GOLT1B: variants seen among roughly 807,000 people sequenced by gnomAD.
The protein encoded by GOLT1B is golgi transport 1B, also known as vesicle transport protein GOT1B.
In GOLT1B, 3 loss-of-function variants were observed where a neutral mutation model predicts 15.4. The ratio of observed to expected loss-of-function variants is 0.19; its 90% CI spans 0.09 to 0.50. GOLT1B has a LOEUF of 0.50. Ranked by LOEUF, GOLT1B falls within the 20% of genes least tolerant of loss-of-function variation. The pLI is 0.97. For synonymous variants in GOLT1B, 65 were observed against 56.2 expected (o/e 1.16, Z -0.70); for missense variants, 145 against 160.4 (o/e 0.90, Z 0.52).
intron 3 of GOLT1B, among the ~76,000 whole-genome samples, chr12:21,509,989 G>A (rs1394107757): frequency 6.6e-6 from 1 of 152,300 alleles, no homozygotes; most frequent in East Asian, 1.9e-4. Flanking sequence ...AGTGTTTGGA[G>A]AAGGTCGGGG....
intron 3 of GOLT1B, among the ~76,000 whole-genome samples, chr12:21,512,080 C>G (rs1429062951): frequency 6.6e-6 from 1 of 152,192 alleles, no homozygotes; most frequent in Non-Finnish European, 1.5e-5. Flanking sequence ...GTTGAGCTAA[C>G]TCATAATCTG....
At chr12:21,507,889 C>T in intron 2 of GOLT1B, 2 of 446,108 alleles carry the variant, frequency 4.5e-6, no homozygotes, top group South Asian at 3.2e-5. Context: ...TTCTTGGCTT[C>T]ACGTTGTTTC....
At position 21,515,776 on chromosome 12, in the gene GOLT1B, C is replaced by A; in HGVS notation, c.*69C>A. 2.6e-6 allele frequency: 2 copies of A among 758,340 alleles called. No individual in the cohort carries two copies. The highest frequency in any genetic ancestry group is 4.5e-6 in the Non-Finnish European group (2 of 441,050). 47.0% of individuals were successfully genotyped at this position (758,340 alleles called of 1,614,324 possible). ...ATAAAGTCATTTGAAGAATATTCAG[C>A]ACAAAATTAAATTACATGAAATAGC... On this transcript the variant is annotated 3_prime_UTR_variant, in exon 5 of 5. Transcript: ENST00000229314.
At chr12:21,511,967 A>C (rs1422420832) in intron 3 of GOLT1B, among the ~76,000 whole-genome samples, 1 of 152,142 alleles carries the variant, frequency 6.6e-6, no homozygotes, top group Non-Finnish European at 1.5e-5. Context: ...TTAGTAAATG[A>C]TAGCTATTAT....
At chr12:21,504,152 T>G (rs1360316586) in intron 1 of GOLT1B, among the ~76,000 whole-genome samples, 1 of 152,280 alleles carries the variant, frequency 6.6e-6, no homozygotes, top group African/African-American at 2.4e-5. Flanking sequence ...ATGCTCCTTA[T>G]GTTAGACAGA....
In GOLT1B at chr12:21,515,921, A is replaced by G; in HGVS notation, c.*214A>G. ...TGAACTAAGAAGAAGTCAGCAAGCA[A>G]ACTGAGAGAGGTGAAATCCATGTTA... On this transcript the variant is annotated 3_prime_UTR_variant, in exon 5 of 5. Coordinates refer to ENST00000229314, the MANE Select transcript of GOLT1B (RefSeq NM_016072.5). The G allele has an allele frequency of 2.3e-6, 1 of 442,048 alleles. No individual in the cohort carries two copies. The highest frequency in any genetic ancestry group is 3.9e-6 in the Non-Finnish European group (1 of 253,846). The allele number at this position is 442,048 out of a possible 1,614,324, so 27.4% of individuals were successfully genotyped here. A position where few individuals can be genotyped will look rare whatever the true frequency, so the allele number is the denominator to read the frequency against.
intron 4 of GOLT1B, among the ~76,000 whole-genome samples, chr12:21,513,591 G>A (rs1943735615): frequency 6.6e-6 from 1 of 151,772 alleles, no homozygotes; most frequent in East Asian, 2.0e-4. Flanking sequence ...GGGATTACAG[G>A]TGTGAGCCAC....
intron 3 of GOLT1B, among the ~76,000 whole-genome samples, chr12:21,511,498 G>T (rs191004453): frequency 2.0e-5 from 3 of 152,208 alleles, no homozygotes; most frequent in African/African-American, 7.2e-5. Flanking sequence ...CCTCCCCTTC[G>T]TGGAGGTTAG....
At chr12:21,504,053 G>C (rs1229377044) in intron 1 of GOLT1B, among the ~76,000 whole-genome samples, 1 of 152,200 alleles carries the variant, frequency 6.6e-6, no homozygotes, top group African/African-American at 2.4e-5. Flanking sequence ...AGACAATGCT[G>C]CTTTTAAAAA....
In GOLT1B at chr12:21,506,973, A is replaced by C. The variant is rs747094142; in HGVS notation, c.114A>C (p.Gly38=). ...LFFDKALLAI[G]NVLFVAGLAF... ...TTGACAAAGCACTACTGGCTATTGG[A>C]AATGTGAGTTTTTAAATATATATTT... is the stretch of plus-strand genomic sequence containing the variant. Residue 38 remains glycine, a synonymous_variant, in exon 2 of 5, where the codon GGA becomes GGC. Transcript: ENST00000229314. The C allele has an allele frequency of 3.2e-6, 4 of 1,240,038 alleles. No individual in the cohort carries two copies. The East Asian group carries it at 7.0e-5, about 22-fold the overall frequency. 76.8% of individuals were successfully genotyped at this position (1,240,038 alleles called of 1,614,324 possible).
At chr12:21,514,485 C>T (rs1943742124) in intron 4 of GOLT1B, among the ~76,000 whole-genome samples, 2 of 152,146 alleles carry the variant, frequency 1.3e-5, no homozygotes, top group Non-Finnish European at 2.9e-5. Context: ...TTCAAGTTAC[C>T]TTTGGAGAGA....
At chr12:21,507,211 A>T (rs1943684896) in intron 2 of GOLT1B, 1 of 473,212 alleles carries the variant, frequency 2.1e-6, no homozygotes, top group Non-Finnish European at 3.9e-6. Context: ...TTGTCATGAG[A>T]TTTACAATAG....
chr12:21,512,424 CTTT>C (rs1356455264), intron 4 of GOLT1B, 48 bp downstream of exon 4: 1 of 865,614 alleles, frequency 1.2e-6, no homozygotes, highest in Admixed American at 2.0e-5. Flanking sequence ...TATTTTGATG[CTTT>C]TTACTTCTAG....
intron 1 of GOLT1B, among the ~76,000 whole-genome samples, chr12:21,502,731 C>T (rs1943644400): frequency 1.3e-5 from 2 of 152,032 alleles, no homozygotes; most frequent in Admixed American, 1.3e-4. Flanking sequence ...TTCCACTTTC[C>T]TACTGCTTTT....
chr12:21,511,897 A>T (rs1943722559), intron 3 of GOLT1B, among the ~76,000 whole-genome samples: 1 of 152,204 alleles, frequency 6.6e-6, no homozygotes, highest in South Asian at 2.1e-4. Context: ...TACTGTGAGG[A>T]TCAGTATCTG....
At chr12:21,515,535 T>C (rs1208359328) in intron 4 of GOLT1B, 134 bp from the exon 5 acceptor site, 5 of 649,530 alleles carry the variant, frequency 7.7e-6, no homozygotes, top group Non-Finnish European at 1.4e-5. Context: ...GGATTAGTCA[T>C]TGTCAGTCAT....
chr12:21,509,829 A>G (rs1209171706), intron 3 of GOLT1B, among the ~76,000 whole-genome samples: 1 of 152,202 alleles, frequency 6.6e-6, no homozygotes, highest in Non-Finnish European at 1.5e-5. Flanking sequence ...AAGAATGAAT[A>G]CTCTTATAGA....
intron 4 of GOLT1B, among the ~76,000 whole-genome samples, chr12:21,512,862 C>A (rs772823849): frequency 1.3e-5 from 2 of 151,876 alleles, no homozygotes; most frequent in Admixed American, 6.6e-5. Flanking sequence ...CCTAGGAGTT[C>A]GAGACCAGCC....
At chr12:21,504,690 A>G (rs1943666989) in intron 1 of GOLT1B, 2 of 458,484 alleles carry the variant, frequency 4.4e-6, no homozygotes, top group Admixed American at 2.3e-5. Flanking sequence ...CATATGAACC[A>G]TAGGACCAGT....
Sources: allele counts gnomAD v4.1 joint callset (sites outside exome capture counted in the v4.1 genomes callset), GRCh38; gene constraint gnomAD v4.1.1; transcripts MANE v1.5; gene names NCBI Gene and HGNC (gene_info 2026-07-23, HGNC 2026-07-21).